The following GCKR variants were observed in gnomAD, a reference collection of about 807,000 sequenced individuals.
The protein encoded by GCKR is glucokinase regulator, also known as glucokinase regulatory protein.
In GCKR, 73 loss-of-function variants were observed where a neutral mutation model predicts 82.9. That is an observed-to-expected ratio of 0.88 (90% confidence interval 0.73 to 1.07). The LOEUF (loss-of-function observed/expected upper bound fraction) is 1.07. GCKR is among the 50% of genes least tolerant of loss of function. GCKR has a pLI of 0.00. For missense variants in GCKR, 784 were observed against 782.1 expected, an observed-to-expected ratio of 1.00 and a Z score of -0.03; for synonymous variants, 294 against 291.8, an observed-to-expected ratio of 1.01 and a Z score of -0.08.
chr2:27,503,677 C>T (rs918189485), intron 9 of GCKR, 58 bp downstream of exon 9: 1 of 877,986 alleles, frequency 1.1e-6, no homozygotes, highest in Admixed American at 1.8e-5. Flanking sequence ...AACTGCTTGC[C>T]ACTTCCTTGG....
chr2:27,508,900 T>C (rs941531996), intron 16 of GCKR, among the ~76,000 whole-genome samples: 2 of 152,028 alleles, frequency 1.3e-5, no homozygotes, highest in African/African-American at 4.8e-5. Context: ...TTTACTATGC[T>C]GAATTCATTG....
At position 27,496,941 on chromosome 2, in the gene GCKR, A is replaced by G; in HGVS notation, c.37A>G (p.Thr13Ala). The change falls in exon 1 of 19, where the codon ACC becomes GCC. Residue 13 changes from threonine to alanine, a missense_variant. Physicochemically the swap from Thr to Ala is moderately conservative, Grantham distance 58. Transcript: ENST00000264717. ...AAAACGGTTTCAACATGTCATTGAG[A>G]CCCCGGAGCCTGGCAAGTGGGAGGT... is the stretch of plus-strand genomic sequence containing the variant. ...GTKRFQHVIE[T>A]PEPGKWELSG... is the part of the protein sequence containing the mutation. The G allele has an allele frequency of 1.2e-6, 2 of 1,613,474 alleles. No individual in the cohort carries two copies. Among genetic ancestry groups the G allele is most frequent in the Non-Finnish European group, 1.7e-6 (2 of 1,179,618 alleles).
At chr2:27,510,405 T>A (rs1340013653) in intron 16 of GCKR, among the ~76,000 whole-genome samples, 3 of 152,172 alleles carry the variant, frequency 2.0e-5, no homozygotes, top group Non-Finnish European at 2.9e-5. Context: ...AACTTCAATA[T>A]TATGGTTTTT....
At chr2:27,505,345 G>A (rs1176769995) in intron 9 of GCKR, among the ~76,000 whole-genome samples, 22 of 119,944 alleles carry the variant, frequency 1.8e-4, no homozygotes, top group East Asian at 2.7e-4. Context: ...GCAGTGAGCC[G>A]AGATCCTGCC....
rs750604424 is a variant in GCKR at position 27,523,388 on chromosome 2, T to A, written c.1827T>A (p.Gly609=). 1.2e-6 allele frequency: 2 copies of A among 1,611,698 alleles called. No individual in the cohort carries two copies. The highest frequency in any genetic ancestry group is 1.7e-5 in the Admixed American group (1 of 60,004). ...EAVRSALAGP[G]QKRTADPLEI... is the part of the protein sequence containing the mutation. ...TCAGGAGTGCTCTTGCTGGGCCAGG[T>A]CAGAAGCGCACTGCGGACCCCCTCG... Residue 609 remains glycine (G), a synonymous_variant, in exon 19 of 19, where the codon GGT becomes GGA. Transcript: ENST00000264717.
chr2:27,509,616 G>A (rs1365604245), intron 16 of GCKR: 7 of 386,824 alleles, frequency 1.8e-5, no homozygotes, highest in South Asian at 5.6e-5. Context: ...TGCTGAGATT[G>A]CAGGCGTGAG....
At position 27,508,154 on chromosome 2, in the gene GCKR, T is replaced by TTC. The variant is rs780520929; in HGVS notation, c.1339-5_1339-4dup. On this transcript the variant is annotated splice_polypyrimidine_tract_variant and intron_variant, in intron 15 of 18. Coordinates refer to ENST00000264717, the MANE Select transcript of GCKR (RefSeq NM_001486.4). ...CTGGAGATGCCTCTCCTGCTCCTCT[T>TTC]TCTCTCTCTCCAGATCCCTCTGAAG... 8 of 1,603,038 alleles carry TTC rather than the reference T, an allele frequency of 5.0e-6. No homozygotes were observed. The highest frequency in any genetic ancestry group is 6.8e-6 in the Non-Finnish European group (8 of 1,170,098).
intron 9 of GCKR, 74 bp from the exon 10 acceptor site, chr2:27,505,644 C>T (rs1182295525): frequency 2.5e-6 from 2 of 810,830 alleles, no homozygotes; most frequent in Admixed American, 1.7e-5. Flanking sequence ...CATGCATGCC[C>T]GGGGGTTACT....
At chr2:27,516,280 C>CTTT (rs1572873022) in intron 16 of GCKR, among the ~76,000 whole-genome samples, 1 of 88,394 alleles carries the variant, frequency 1.1e-5, no homozygotes, top group African/African-American at 4.6e-5. Flanking sequence ...GTTCTTCATT[C>CTTT]TTGTTTTTTT....
rs546471325 is a variant in GCKR, at chr2:27,517,873, A to C, written c.1423-915A>C. Reference sequence around the variant, plus strand: ...TTGTGGCAAAGTAGGAAATGCCCTCATCATTGAATCAGAAGACCGGGATTT... The same window carrying C: ...TTGTGGCAAAGTAGGAAATGCCCTCCTCATTGAATCAGAAGACCGGGATTT... On this transcript the variant is annotated intron_variant, in intron 16 of 18. Coordinates refer to ENST00000264717, the MANE Select transcript of GCKR (RefSeq NM_001486.4). 8.2e-4 allele frequency among the ~76,000 whole-genome samples: 125 copies of C among 152,208 alleles called. 1 individual carries two copies. Among genetic ancestry groups the C allele is most frequent in the Middle Eastern group, 3.2e-3 (1 of 316 alleles).
In GCKR at chr2:27,496,912, G is replaced by A; in HGVS notation, c.8G>A (p.Gly3Asp). ...TATCCACAGCGTGGGACCATGCCAG[G>A]CACAAAACGGTTTCAACATGTCATT... The part of the protein sequence containing the change: MP[G>D]TKRFQHVIET... The change falls in exon 1 of 19, where the codon GGC becomes GAC. Residue 3 changes from glycine to aspartate, a missense_variant. Coordinates refer to ENST00000264717, the MANE Select transcript of GCKR (RefSeq NM_001486.4). The A allele has an allele frequency of 6.2e-7, 1 of 1,613,584 alleles. No homozygotes were observed. Among genetic ancestry groups the A allele is most frequent in the Non-Finnish European group, 8.5e-7 (1 of 1,179,480 alleles).
In GCKR at chr2:27,523,255, C is replaced by A; in HGVS notation, c.1708-14C>A. 1 of 1,610,270 alleles carries A rather than the reference C, an allele frequency of 6.2e-7. No homozygotes were observed. The highest frequency in any genetic ancestry group is 2.2e-5 in the East Asian group (1 of 44,870). ...TTCCCTCAGGCTTCAGTGCCCACTG[C>A]CTCTTCCCCACAGGTGATACCCATC... On this transcript the variant is annotated splice_polypyrimidine_tract_variant and intron_variant, in intron 18 of 18. Transcript: ENST00000264717.
In GCKR at chr2:27,498,272, G is replaced by T. The variant is rs778107023; in HGVS notation, c.303G>T (p.Leu101=). The T allele has an allele frequency of 1.2e-6, 2 of 1,613,282 alleles. No homozygotes were observed. Among genetic ancestry groups the T allele is most frequent in the African/African-American group, 2.7e-5 (2 of 74,890 alleles). The stretch of plus-strand genomic sequence containing the variant: ...TTCTTCAGGAGCCAGATGGGGGGCT[G>T]GTTGTGCTGAGTGGAGGGGGCACCT... ...QEVLKEPDGG[L]VVLSGGGTSG... The change falls in exon 4 of 19, where the codon CTG becomes CTT. Residue 101 remains leucine (L), a synonymous_variant. Transcript: ENST00000264717.
chr2:27,522,379 A>G (rs1165733649), intron 17 of GCKR, 81 bp from the exon 18 acceptor site: 1 of 1,427,220 alleles, frequency 7.0e-7, no homozygotes, highest in African/African-American at 1.4e-5. Context: ...TCTCACTCTC[A>G]TAGTTTATTC....
intron 10 of GCKR, 125 bp downstream of exon 10, chr2:27,505,961 C>T: frequency 1.3e-6 from 1 of 751,312 alleles, no homozygotes; most frequent in South Asian, 1.4e-5. Flanking sequence ...CACCACGCCT[C>T]CCCTGGGAAG....
At position 27,498,317 on chromosome 2, in the gene GCKR, C is replaced by G. The variant is rs760945002; in HGVS notation, c.348C>G (p.Leu116=). ...GGGTSGRMAF[L]MSVSFNQLMK... ...GCACCTCTGGCCGGATGGCATTCCT[C>G]ATGTCGGTGAGCACCCTGGTCTCCA... is the stretch of plus-strand genomic sequence containing the variant. The change falls in exon 4 of 19, where the codon CTC becomes CTG. Residue 116 remains leucine, a synonymous_variant. Coordinates refer to ENST00000264717, the MANE Select transcript of GCKR (RefSeq NM_001486.4). 3 of 1,611,390 alleles carry G rather than the reference C, an allele frequency of 1.9e-6. No individual in the cohort carries two copies. Among genetic ancestry groups the G allele is most frequent in the East Asian group, 2.2e-5 (1 of 44,870 alleles).
rs1426076615 is a variant in GCKR at position 27,498,772 on chromosome 2, AC to A, written c.405del (p.Tyr136ThrfsTer28). ...AGGTCTGGGACAGAAACCTCTTTAC[AC>A]CTACCTCATTGCAGGTGGTGACAGG... ...MKGLGQKPLY[T>X]YLIAGGDRSV... On this transcript the variant is annotated frameshift_variant, in exon 5 of 19. Coordinates refer to ENST00000264717, the MANE Select transcript of GCKR (RefSeq NM_001486.4). LOFTEE classifies it high-confidence loss of function. 1.1e-5 allele frequency: 17 copies of A among 1,606,868 alleles called. No individual in the cohort carries two copies. Among genetic ancestry groups the A allele is most frequent in the Non-Finnish European group, 1.4e-5 (17 of 1,173,608 alleles).
chr2:27,518,158 G>C (rs1289391915), intron 16 of GCKR, among the ~76,000 whole-genome samples: 3 of 152,114 alleles, frequency 2.0e-5, no homozygotes, highest in Admixed American at 6.5e-5. Flanking sequence ...TGATTCTTGT[G>C]CCTCAGCCCC....
At position 27,499,407 on chromosome 2, in the gene GCKR, GGAA is replaced by G; in HGVS notation, c.512_514del (p.Lys171del). The G allele has an allele frequency of 6.2e-7, 1 of 1,612,214 alleles. No individual in the cohort carries two copies. The highest frequency in any genetic ancestry group is 8.5e-7 in the Non-Finnish European group (1 of 1,178,242). ...ATCCTCCTCTCCTAGGTGGCTGCCG[GGAA>G]GAAGAGAGTGATTGTCATTGGCATT... On this transcript the variant is annotated inframe_deletion, in exon 7 of 19. Coordinates refer to ENST00000264717, the MANE Select transcript of GCKR (RefSeq NM_001486.4).
Sources: allele counts gnomAD v4.1 joint callset (sites outside exome capture counted in the v4.1 genomes callset), GRCh38; gene constraint gnomAD v4.1.1; transcripts MANE v1.5; gene names NCBI Gene and HGNC (gene_info 2026-07-23, HGNC 2026-07-21).